MYPN: variants seen among roughly 807,000 people sequenced by gnomAD.
MYPN encodes myopalladin, also known as sarcomeric protein myopalladin, 145 kDa (MYOP).
A neutral mutation model predicts 129.4 loss-of-function variants in MYPN; 63 were observed. The observed-to-expected ratio is 0.49, with a 90% CI of 0.40 to 0.60. MYPN has a LOEUF of 0.60. MYPN is among the 20% of genes least tolerant of loss of function. The pLI, the probability that MYPN is intolerant of heterozygous loss-of-function variation, is 0.00. For synonymous variants in MYPN, 629 were observed against 600.9 expected (o/e 1.05, Z -0.68); for missense variants, 1,596 against 1,635.4 (o/e 0.98, Z 0.42).
At chr10:68,190,881 T>A (rs4559576) in intron 13 of MYPN, among the ~76,000 whole-genome samples, 27,082 of 152,206 alleles carry the variant, frequency 0.18, 2,873 homozygotes, top group Middle Eastern at 0.26. Context: ...AAAGTGAAGA[T>A]CTAGTTTCAT....
intron 3 of MYPN, among the ~76,000 whole-genome samples, chr10:68,144,108 C>T (rs1466999555): frequency 2.0e-5 from 3 of 152,008 alleles, no homozygotes; most frequent in Non-Finnish European, 4.4e-5. Context: ...TGCAGGGAGT[C>T]AAGGATAGAT....
rs776759477 is a variant in MYPN at position 68,121,549 on chromosome 10, C to T, written c.111C>T (p.Pro37=). The change falls in exon 2 of 20, where the codon CCC becomes CCT. Residue 37 remains proline (P), a synonymous_variant. Transcript: ENST00000358913. ...ACAATGAGAGGAGTCGAGCGGAGCCCTCCTCCAACCCTTGCCATTTCGGCA... is the reference window on the plus strand; with the variant it reads ...ACAATGAGAGGAGTCGAGCGGAGCCTTCCTCCAACCCTTGCCATTTCGGCA... ...RGNNERSRAE[P]SSNPCHFGSP... is the part of the protein sequence containing the mutation. 5.6e-6 allele frequency: 9 copies of T among 1,614,194 alleles called. No individual in the cohort carries two copies. The South Asian group carries it at 6.6e-5, about 12-fold the overall frequency.
intron 2 of MYPN, among the ~76,000 whole-genome samples, chr10:68,138,256 C>G (rs79618414): frequency 6.6e-6 from 1 of 151,712 alleles, no homozygotes; most frequent in Non-Finnish European, 1.5e-5. Context: ...GTGTGCATCA[C>G]CATGCCCACT....
At chr10:68,158,170 T>C (rs549459724) in intron 6 of MYPN, 19 of 289,780 alleles carry the variant, frequency 6.6e-5, no homozygotes, top group African/African-American at 4.1e-4. Context: ...GGTGCCCTTT[T>C]TCTCCCTCAT....
chr10:68,202,331 G>A (rs113332854), intron 18 of MYPN, among the ~76,000 whole-genome samples: 4,740 of 152,162 alleles, frequency 0.031, 248 homozygotes, highest in African/African-American at 0.11. Flanking sequence ...TACTCGGGAG[G>A]CTGAGGCAGG....
Position 68,121,689 on chromosome 10 carries a change from A to T in MYPN, c.251A>T (p.Asn84Ile). Residue 84 changes from asparagine (N) to isoleucine (I), a missense_variant, in exon 2 of 20, where the codon AAT becomes ATT. Asn to Ile is a moderately radical substitution (Grantham distance 149). Transcript: ENST00000358913. ...ESVNLARLAI[N>I]YDPLEKADET... The stretch of plus-strand genomic sequence containing the variant: ...GTCAATTTGGCAAGACTGGCCATCA[A>T]TTACGACCCTTTGGAGAAGGCAGAT... The T allele has an allele frequency of 6.2e-7, 1 of 1,614,230 alleles. No homozygotes were observed. Among genetic ancestry groups the T allele is most frequent in the Non-Finnish European group, 8.5e-7 (1 of 1,180,046 alleles).
Position 68,197,361 on chromosome 10 carries a change from C to T in MYPN, c.3168C>T (p.Ser1056=), listed in dbSNP as rs1564696111. 1 of 1,613,360 alleles carries T rather than the reference C, an allele frequency of 6.2e-7. No homozygotes were observed. The highest frequency in any genetic ancestry group is 8.5e-7 in the Non-Finnish European group (1 of 1,179,654). Residue 1056 remains serine, a synonymous_variant, in exon 16 of 20, where the codon TCC becomes TCT. Transcript: ENST00000358913. The part of the protein sequence containing the change: ...TSAGQSHRGR[S]RVQERDKEPL... ...ATGCTTGTTGTTATAGGGGAAGATC[C>T]CGAGTGCAAGAAAGAGACAAAGAGC...
chr10:68,130,437 G>A (rs2042392205), intron 2 of MYPN, among the ~76,000 whole-genome samples: 1 of 150,370 alleles, frequency 6.7e-6, no homozygotes, highest in Non-Finnish European at 1.5e-5. Context: ...TCCAGCCTGG[G>A]TGACAAGAGT....
chr10:68,173,439 C>T (rs1385060197), intron 10 of MYPN, among the ~76,000 whole-genome samples: 1 of 152,174 alleles, frequency 6.6e-6, no homozygotes, highest in Admixed American at 6.5e-5. Context: ...CTCTTTGTTG[C>T]ACAACTCCAA....
At chr10:68,199,693 C>A in intron 17 of MYPN, 118 bp downstream of exon 17, 1 of 1,010,780 alleles carries the variant, frequency 9.9e-7, no homozygotes. Context: ...TCTCAATTTC[C>A]CCTTCACTGT....
chr10:68,129,974 G>A (rs1335590964), intron 2 of MYPN, among the ~76,000 whole-genome samples: 1 of 152,034 alleles, frequency 6.6e-6, no homozygotes, highest in Non-Finnish European at 1.5e-5. Flanking sequence ...TTACATTTTT[G>A]CCAGTCTGAT....
chr10:68,162,821 G>C (rs2042998868), intron 8 of MYPN, among the ~76,000 whole-genome samples: 2 of 152,122 alleles, frequency 1.3e-5, no homozygotes, highest in Admixed American at 6.5e-5. Context: ...GCCAGGATAG[G>C]GTTTTTAAGG....
chr10:68,173,945 G>A, intron 10 of MYPN, 121 bp from the exon 11 acceptor site: 3 of 849,648 alleles, frequency 3.5e-6, no homozygotes, highest in South Asian at 2.8e-5. Context: ...GGGATTACAG[G>A]CATGAGCCAC....
intron 1 of MYPN, among the ~76,000 whole-genome samples, chr10:68,115,258 C>CAAAAAAA (rs58484168): frequency 3.7e-5 from 2 of 53,640 alleles, no homozygotes; most frequent in Admixed American, 2.1e-4. Context: ...AACTCCATCT[C>CAAAAAAA]AAAAAAAAAA....
rs763805681 is a variant in MYPN at position 68,199,539 on chromosome 10, G to A, written c.3457G>A (p.Gly1153Arg). 25 of 1,614,046 alleles carry A rather than the reference G, an allele frequency of 1.5e-5. No individual in the cohort carries two copies. The highest frequency in any genetic ancestry group is 3.3e-5 in the Admixed American group (2 of 60,000). Residue 1153 changes from glycine (G) to arginine (R), a missense_variant, in exon 17 of 20, where the codon GGG becomes AGG. Gly to Arg is a moderately radical substitution (Grantham distance 125). Coordinates refer to ENST00000358913, the MANE Select transcript of MYPN (RefSeq NM_032578.4). ...TYKCIATNKTGQNSFSLELSV... is the reference protein window; with the variant it reads ...TYKCIATNKTRQNSFSLELSV... ...TAAGTGCATCGCTACCAACAAAACC[G>A]GGCAGAATTCTTTTAGTCTGGAGCT... is the stretch of plus-strand genomic sequence containing the variant.
intron 2 of MYPN, among the ~76,000 whole-genome samples, chr10:68,140,634 A>G (rs2042562124): frequency 6.6e-6 from 1 of 152,162 alleles, no homozygotes; most frequent in African/African-American, 2.4e-5. Flanking sequence ...AGTAGCTGAA[A>G]GGCAGAAAAA....
At chr10:68,170,575 A>C (rs1369180850) in intron 10 of MYPN, among the ~76,000 whole-genome samples, 1 of 152,158 alleles carries the variant, frequency 6.6e-6, no homozygotes, top group Non-Finnish European at 1.5e-5. Flanking sequence ...TTGTTCCTTC[A>C]ATTTGCTATT....
intron 1 of MYPN, among the ~76,000 whole-genome samples, chr10:68,088,555 C>T (rs1215297451): frequency 9.2e-5 from 14 of 152,128 alleles, no homozygotes; most frequent in Admixed American, 9.2e-4. Flanking sequence ...ATCTATCACT[C>T]TCCATTGTTT....
Position 68,161,748 on chromosome 10 carries a change from G to A in MYPN, c.1479G>A (p.Glu493=), listed in dbSNP as rs1365564627. 6.2e-7 allele frequency: 1 copy of A among 1,610,328 alleles called. No individual in the cohort carries two copies. Among genetic ancestry groups the A allele is most frequent in the Non-Finnish European group, 8.5e-7 (1 of 1,177,160 alleles). Residue 493 remains glutamate (E), a synonymous_variant, in exon 8 of 20, where the codon GAG becomes GAA. Transcript: ENST00000358913. The part of the protein sequence containing the change: ...ILQKKPRSMA[E]PEEICTLVIA... ...TTTTAGAACCTCGATCCATGGCAGAGCCAGGTAAAGATGATTTCAACTTTA... is the reference window on the plus strand; with the variant it reads ...TTTTAGAACCTCGATCCATGGCAGAACCAGGTAAAGATGATTTCAACTTTA...
Sources: allele counts gnomAD v4.1 joint callset (sites outside exome capture counted in the v4.1 genomes callset), GRCh38; gene constraint gnomAD v4.1.1; transcripts MANE v1.5; gene names NCBI Gene and HGNC (gene_info 2026-07-23, HGNC 2026-07-21).